The following FMN1 variants were observed in gnomAD, a reference collection of about 807,000 sequenced individuals.
FMN1 encodes formin 1, also known as formin-1.
A neutral mutation model predicts 132.4 loss-of-function variants in FMN1; 110 were observed. That is an observed-to-expected ratio of 0.83 (90% CI 0.71 to 0.97). The LOEUF is 0.97. Ranked by LOEUF, FMN1 falls within the 50% of genes least tolerant of loss-of-function variation. The pLI is 0.00. For synonymous variants in FMN1, 722 were observed against 651.7 expected (o/e 1.11, Z -1.64); for missense variants, 1,792 against 1,705.3 (o/e 1.05, Z -0.90).
intron 9 of FMN1, among the ~76,000 whole-genome samples, chr15:32,935,940 T>C (rs2061258715): frequency 6.6e-6 from 1 of 152,144 alleles, no homozygotes; most frequent in Non-Finnish European, 1.5e-5. Context: ...TCTTCGTTTT[T>C]TTCTTTTTGC....
intron 13 of FMN1, among the ~76,000 whole-genome samples, chr15:32,901,188 A>G (rs1363339429): frequency 1.3e-5 from 2 of 152,184 alleles, no homozygotes; most frequent in African/African-American, 4.8e-5. Flanking sequence ...AAGAAAAAAA[A>G]TTCAGCTCCA....
intron 9 of FMN1, among the ~76,000 whole-genome samples, chr15:32,935,183 A>G (rs1393079402): frequency 6.6e-6 from 1 of 152,166 alleles, no homozygotes; most frequent in East Asian, 1.9e-4. Context: ...ACCCTTCCAA[A>G]GTGCTGGGAT....
At chr15:32,939,493 T>C (rs889815000) in intron 9 of FMN1, among the ~76,000 whole-genome samples, 1 of 152,212 alleles carries the variant, frequency 6.6e-6, no homozygotes, top group Non-Finnish European at 1.5e-5. Flanking sequence ...TACTTCGCTT[T>C]CTGAATGCTT....
intron 4 of FMN1, among the ~76,000 whole-genome samples, chr15:33,115,256 G>A (rs1595503770): frequency 6.6e-6 from 1 of 152,136 alleles, no homozygotes; most frequent in Non-Finnish European, 1.5e-5. Context: ...CTATAAGGAG[G>A]GTGGGAGGCT....
intron 6 of FMN1, among the ~76,000 whole-genome samples, chr15:33,036,148 G>A (rs974319278): frequency 9.9e-5 from 15 of 152,068 alleles, no homozygotes; most frequent in Admixed American, 2.0e-4. Context: ...TGTTATAAGC[G>A]ACATACAACA....
At chr15:33,085,556 CATAT>C (rs2038656357) in intron 5 of FMN1, among the ~76,000 whole-genome samples, 1 of 148,690 alleles carries the variant, frequency 6.7e-6, no homozygotes, top group Non-Finnish European at 1.5e-5. Context: ...TAAAATTATA[CATAT>C]ATACATATGC....
chr15:33,122,110 C>G (rs1489290174), intron 4 of FMN1, among the ~76,000 whole-genome samples: 2 of 152,156 alleles, frequency 1.3e-5, no homozygotes, highest in East Asian at 3.9e-4. Flanking sequence ...GGCCTGGGAA[C>G]TTTTACAGTT....
At chr15:33,024,004 C>T (rs922121691) in intron 6 of FMN1, among the ~76,000 whole-genome samples, 2 of 151,848 alleles carry the variant, frequency 1.3e-5, no homozygotes, top group African/African-American at 2.4e-5. Flanking sequence ...ATTTGCAAAG[C>T]ATATAACCAA....
At chr15:33,013,785 T>C (rs1171872306) in intron 6 of FMN1, among the ~76,000 whole-genome samples, 5 of 152,228 alleles carry the variant, frequency 3.3e-5, no homozygotes, top group Admixed American at 1.3e-4. Context: ...AATTCCAAGC[T>C]TCTACAAAGT....
At chr15:32,860,310 G>A (rs1324536791) in intron 16 of FMN1, among the ~76,000 whole-genome samples, 1 of 151,994 alleles carries the variant, frequency 6.6e-6, no homozygotes, top group African/African-American at 2.4e-5. Context: ...GAAGAAAAAA[G>A]GTTTCTTCAT....
intron 3 of FMN1, among the ~76,000 whole-genome samples, chr15:33,160,723 T>A (rs560500844): frequency 2.6e-5 from 4 of 152,296 alleles, no homozygotes; most frequent in South Asian, 2.1e-4. Context: ...ACATCTTAAT[T>A]TGGCCTGTGA....
intron 6 of FMN1, among the ~76,000 whole-genome samples, chr15:33,020,536 A>C (rs2035361112): frequency 6.6e-6 from 1 of 151,662 alleles, no homozygotes; most frequent in Admixed American, 6.6e-5. Context: ...AATCCTGGCT[A>C]CTCAGGAGGC....
intron 19 of FMN1, among the ~76,000 whole-genome samples, chr15:32,779,375 T>C (rs1322939947): frequency 6.6e-6 from 1 of 152,230 alleles, no homozygotes; most frequent in Middle Eastern, 3.2e-3. Flanking sequence ...TAGTATTTCT[T>C]ACCCATCAGG....
intron 6 of FMN1, among the ~76,000 whole-genome samples, chr15:33,062,492 G>A (rs954540846): frequency 1.3e-5 from 2 of 152,050 alleles, no homozygotes; most frequent in African/African-American, 4.8e-5. Context: ...CATGGTGGCG[G>A]GCGCCTGTAG....
chr15:33,051,576 C>A (rs1266319267), intron 6 of FMN1, among the ~76,000 whole-genome samples: 2 of 152,188 alleles, frequency 1.3e-5, no homozygotes, highest in East Asian at 1.9e-4. Flanking sequence ...TGGTGATCAG[C>A]AGCTTCCTAG....
intron 4 of FMN1, among the ~76,000 whole-genome samples, chr15:33,099,393 T>C (rs1317715251): frequency 6.6e-6 from 1 of 152,226 alleles, no homozygotes; most frequent in East Asian, 1.9e-4. Context: ...TCCTACCTTC[T>C]AGCACTTCTG....
At chr15:32,793,695 A>G (rs1299050851) in intron 19 of FMN1, among the ~76,000 whole-genome samples, 1 of 152,192 alleles carries the variant, frequency 6.6e-6, no homozygotes, top group Non-Finnish European at 1.5e-5. Flanking sequence ...AAGTTTTGAC[A>G]ATTAATTAGG....
chr15:33,131,103 G>T (rs1034513374), intron 4 of FMN1, among the ~76,000 whole-genome samples: 3 of 152,134 alleles, frequency 2.0e-5, no homozygotes, highest in African/African-American at 7.2e-5. Flanking sequence ...GCCGAGGCAG[G>T]TGGATCACCT....
Position 32,801,103 on chromosome 15 carries a change from T to A in FMN1, c.3981-2150A>T, listed in dbSNP as rs556241533. Among the ~76,000 whole-genome samples, 5 of 152,250 alleles carry A rather than the reference T, an allele frequency of 3.3e-5. No homozygotes were observed. The East Asian group carries it at 9.7e-4, about 29-fold the overall frequency. ...CTGGCATCACCTGGAGTCTAGATTG[T>A]GAGATCAACATATTGCAAATCCTGG... On this transcript the variant is annotated intron_variant, in intron 18 of 20. Transcript: ENST00000616417.
Sources: gnomAD v4.1 joint callset for allele counts (sites outside exome capture counted in the v4.1 genomes callset) on GRCh38, gnomAD v4.1.1 for gene constraint, MANE v1.5 for transcripts, NCBI Gene and HGNC (gene_info 2026-07-23, HGNC 2026-07-21) for gene names.